The following TTLL5 variants were observed in gnomAD, a reference collection of about 807,000 sequenced individuals.
TTLL5 encodes tubulin tyrosine ligase like 5.
A neutral mutation model predicts 168.4 loss-of-function variants in TTLL5; 132 were observed. The observed-to-expected ratio is 0.78, with a 90% CI of 0.68 to 0.91. TTLL5 has a LOEUF of 0.91. TTLL5 is among the 40% of genes least tolerant of loss of function. TTLL5 has a pLI of 0.00. For synonymous variants in TTLL5, 546 were observed against 558.6 expected (o/e 0.98, Z 0.32); for missense variants, 1,545 against 1,581.5 (o/e 0.98, Z 0.39).
chr14:75,764,670 A>G lies in TTLL5; in HGVS notation c.1606A>G (p.Lys536Glu), dbSNP rs1489821207. 9.3e-6 allele frequency: 15 copies of G among 1,614,068 alleles called. No homozygotes were observed. The highest frequency in any genetic ancestry group is 2.7e-5 in the African/African-American group (2 of 74,946). ...LKIESLNSKA[K>E]LHAALYERKL... ...GATAGAGAGTCTGAATTCAAAGGCC[A>G]AGCTGCATGCTGCACTTTACGAGAG... Residue 536 changes from lysine to glutamate, a missense_variant, in exon 19 of 32, where the codon AAG becomes GAG. Physicochemically the swap from Lys to Glu is moderately conservative, Grantham distance 56. Coordinates refer to ENST00000298832, the MANE Select transcript of TTLL5 (RefSeq NM_015072.5).
intron 31 of TTLL5, among the ~76,000 whole-genome samples, chr14:75,931,839 A>G (rs1348348749): frequency 6.6e-6 from 1 of 151,674 alleles, no homozygotes; most frequent in African/African-American, 2.4e-5. Context: ...CTTACTATCA[A>G]CTCCTGTAGC....
At chr14:75,869,466 T>C (rs1369982893) in intron 29 of TTLL5, among the ~76,000 whole-genome samples, 1 of 152,170 alleles carries the variant, frequency 6.6e-6, no homozygotes, top group East Asian at 1.9e-4. Context: ...GATGATGATA[T>C]ATACCTGTGT....
chr14:75,948,804 T>C (rs757281382), intron 31 of TTLL5, among the ~76,000 whole-genome samples: 2 of 152,198 alleles, frequency 1.3e-5, no homozygotes, highest in Non-Finnish European at 2.9e-5. Context: ...TGAATAACTT[T>C]ATGATGACAT....
chr14:75,903,664 A>G (rs1566653536), intron 31 of TTLL5, among the ~76,000 whole-genome samples: 1 of 151,984 alleles, frequency 6.6e-6, no homozygotes, highest in Non-Finnish European at 1.5e-5. Context: ...AATGCTTTGG[A>G]AAGACGAGGC....
At chr14:75,938,301 G>A (rs1432309268) in intron 31 of TTLL5, among the ~76,000 whole-genome samples, 1 of 152,242 alleles carries the variant, frequency 6.6e-6, no homozygotes, top group Non-Finnish European at 1.5e-5. Context: ...TGTTAAAACT[G>A]TGAGTGGATG....
chr14:75,877,077 T>G (rs2031535066), intron 29 of TTLL5, among the ~76,000 whole-genome samples: 1 of 152,202 alleles, frequency 6.6e-6, no homozygotes, highest in Non-Finnish European at 1.5e-5. Context: ...TAGAAATGTT[T>G]GCTTGTCTTA....
At chr14:75,799,649 G>A (rs970785891) in intron 27 of TTLL5, among the ~76,000 whole-genome samples, 1 of 152,282 alleles carries the variant, frequency 6.6e-6, no homozygotes, top group South Asian at 2.1e-4. Flanking sequence ...AGCAGTTTGT[G>A]TAGTGCTGGC....
intron 12 of TTLL5, among the ~76,000 whole-genome samples, chr14:75,724,271 G>C (rs1186706031): frequency 6.6e-6 from 1 of 152,040 alleles, no homozygotes; most frequent in African/African-American, 2.4e-5. Flanking sequence ...TATGTTTCCA[G>C]GTATCTTCAA....
In TTLL5 at chr14:75,925,406, A is replaced by G. The variant is rs1371791086; in HGVS notation, c.3823+23182A>G. 3.0e-4 allele frequency among the ~76,000 whole-genome samples: 4 copies of G among 13,356 alleles called. No homozygotes were observed. The Admixed American group carries it at 4.1e-3, about 14-fold the overall frequency. 8.8% of individuals were successfully genotyped at this position (13,356 alleles called of 152,430 possible). On this transcript the variant is annotated intron_variant, in intron 31 of 31. Coordinates refer to ENST00000298832, the MANE Select transcript of TTLL5 (RefSeq NM_015072.5). ...GCGACCGGGCAGAGGCGCTCCTCAC[A>G]TCCCAGACGGGGCGGCGGGGCAGAG... is the stretch of plus-strand genomic sequence containing the variant.
chr14:75,714,122 C>G (rs1687340749), intron 9 of TTLL5, among the ~76,000 whole-genome samples: 1 of 151,960 alleles, frequency 6.6e-6, no homozygotes, highest in African/African-American at 2.4e-5. Context: ...GTGGATTGTC[C>G]CTCAGTTTGG....
chr14:75,739,603 C>G (rs969146061), intron 15 of TTLL5, among the ~76,000 whole-genome samples: 2 of 152,052 alleles, frequency 1.3e-5, no homozygotes, highest in Non-Finnish European at 2.9e-5. Context: ...TGGCATGGTA[C>G]TGTGGAAAGA....
intron 28 of TTLL5, among the ~76,000 whole-genome samples, chr14:75,862,456 G>A (rs552674959): frequency 2.0e-5 from 3 of 152,174 alleles, no homozygotes; most frequent in Non-Finnish European, 4.4e-5. Context: ...CATTGCACAA[G>A]GGTTCCAGTT....
intron 15 of TTLL5, among the ~76,000 whole-genome samples, chr14:75,736,864 C>G (rs947479976): frequency 2.0e-5 from 3 of 152,162 alleles, no homozygotes; most frequent in African/African-American, 7.2e-5. Context: ...AGTGCATCAT[C>G]AGAGATCAAA....
chr14:75,779,874 A>C (rs1033724969), intron 24 of TTLL5, among the ~76,000 whole-genome samples, 172 bp downstream of exon 24: 3 of 152,202 alleles, frequency 2.0e-5, no homozygotes, highest in Non-Finnish European at 4.4e-5. Context: ...TTGTCCTAAA[A>C]GCAGAAGAAG....
intron 27 of TTLL5, among the ~76,000 whole-genome samples, chr14:75,806,483 C>T (rs903401978): frequency 2.3e-4 from 35 of 152,348 alleles, no homozygotes; most frequent in African/African-American, 8.2e-4. Context: ...ACTTTTCCAG[C>T]CTGTCTCCCT....
Position 75,707,136 on chromosome 14 carries a change from A to C in TTLL5, c.655+49A>C, listed in dbSNP as rs138436462. ...CCAAATTGGGCCAGATTTTTGCTCA[A>C]CTTTTTAAGCTTTTCATAGCCTTCT... On this transcript the variant is annotated intron_variant, in intron 8 of 31. Transcript: ENST00000298832. 198 of 1,458,930 alleles carry C rather than the reference A, an allele frequency of 1.4e-4. 1 individual carries two copies. In the East Asian group the frequency reaches 4.5e-3, roughly 33 times the overall value. The allele number at this position is 1,458,930 out of a possible 1,614,324, so 90.4% of individuals were successfully genotyped here. A position where few individuals can be genotyped will look rare whatever the true frequency, so the allele number is the denominator to read the frequency against.
At chr14:75,833,263 T>C (rs1679102587) in intron 28 of TTLL5, among the ~76,000 whole-genome samples, 1 of 152,224 alleles carries the variant, frequency 6.6e-6, no homozygotes. Flanking sequence ...GGCTGTTTCA[T>C]ATTTCAAGAC....
rs922300790 is a variant in TTLL5, at chr14:75,707,179, T to C, written c.655+92T>C. The C allele has an allele frequency of 8.0e-6, 8 of 998,056 alleles. 1 individual carries two copies. In the Admixed American group the frequency reaches 1.3e-4, roughly 17 times the overall value. The allele number at this position is 998,056 out of a possible 1,614,324, so 61.8% of individuals were successfully genotyped here. ...AGCCTTCTCTAGTAAGTCTTTATTA[T>C]ACTGTTGTGAAATTCTTGACATGTG... On this transcript the variant is annotated intron_variant, in intron 8 of 31. Transcript: ENST00000298832.
At chr14:75,711,315 G>A (rs896159503) in intron 9 of TTLL5, 2 of 152,110 alleles carry the variant, frequency 1.3e-5, no homozygotes, top group African/African-American at 4.8e-5. Context: ...ACCACCAGGG[G>A]ACACTCAGTT....
Sources: gnomAD v4.1 joint callset for allele counts (sites outside exome capture counted in the v4.1 genomes callset) on GRCh38, gnomAD v4.1.1 for gene constraint, MANE v1.5 for transcripts, NCBI Gene and HGNC (gene_info 2026-07-23, HGNC 2026-07-21) for gene names.